Variants in ZFYVE26 observed in about 807,000 individuals in gnomAD.
ZFYVE26 encodes the protein zinc finger FYVE domain-containing protein 26.
ZFYVE26 carries 181 observed loss-of-function variants against 276.5 expected under a neutral mutation model. The observed-to-expected ratio is 0.65, with a 90% CI of 0.58 to 0.74. The LOEUF (loss-of-function observed/expected upper bound fraction) is 0.74, where lower values mean the gene tolerates loss of function less well. ZFYVE26 is among the 30% of genes least tolerant of loss of function. The pLI, the probability that ZFYVE26 is intolerant of heterozygous loss-of-function variation, is 0.00. For missense variants in ZFYVE26, 2,821 were observed against 3,097.9 expected (o/e 0.91, Z 2.12); for synonymous variants, 1,129 against 1,203.1 (o/e 0.94, Z 1.27).
intron 30 of ZFYVE26, 86 bp downstream of exon 30, chr14:67,768,431 G>A (rs191735671): frequency 1.9e-5 from 27 of 1,452,866 alleles, no homozygotes; most frequent in African/African-American, 2.8e-5. Context: ...AGTTGGACAA[G>A]TATATCAGTC....
intron 13 of ZFYVE26, among the ~76,000 whole-genome samples, chr14:67,737,519 C>A (rs1259122868): frequency 1.3e-5 from 2 of 152,066 alleles, no homozygotes; most frequent in African/African-American, 4.8e-5. Context: ...GGGAAACCAC[C>A]CTCATGATTC....
rs140211588 is a variant in ZFYVE26 at position 67,807,743 on chromosome 14, C to T, written c.541G>A (p.Gly181Ser). Reference protein sequence around the residue: ...LLELLLEEDDGTGLCHWPLQN... With the variant: ...LLELLLEEDDSTGLCHWPLQN... ...AGAGGCCAGTGACAGAGGCCAGTAC[C>T]GTCATCCTCCTCAAGCAGGAGCTCC... The change falls in exon 5 of 42, where the codon GGT (glycine) becomes AGT (serine). Residue 181 changes from glycine (G) to serine (S), a missense_variant. By Grantham distance (56) the Gly-to-Ser change is moderately conservative. Transcript: ENST00000347230. 4.2e-5 allele frequency: 67 copies of T among 1,614,178 alleles called. No individual in the cohort carries two copies. Among genetic ancestry groups the T allele is most frequent in the South Asian group, 3.2e-4 (29 of 91,078 alleles).
chr14:67,759,637 A>AAAAAAG (rs1352500079), intron 35 of ZFYVE26, among the ~76,000 whole-genome samples: 3 of 151,822 alleles, frequency 2.0e-5, no homozygotes, highest in African/African-American at 7.3e-5. Flanking sequence ...AAAAAAAAAA[A>AAAAAAG]AAGTGCATGG....
At position 67,772,204 on chromosome 14, in the gene ZFYVE26, G is replaced by A. The variant is rs971104923; in HGVS notation, c.5327C>T (p.Ser1776Phe). ...CCTTAGACTAGGGGAATGTATACTG[G>A]AGATACCTGGGAGGCAGAGCCAGAG... ...EFSPAAPPGISSIHSPSLRER... is the reference protein window; with the variant it reads ...EFSPAAPPGIFSIHSPSLRER... The change falls in exon 28 of 42, where the codon TCC becomes TTC. Residue 1776 changes from serine (S) to phenylalanine (F), a missense_variant. Ser to Phe is a radical substitution (Grantham distance 155, BLOSUM62 -2). Transcript: ENST00000347230. 6.2e-7 allele frequency: 1 copy of A among 1,612,584 alleles called. No homozygotes were observed. Among genetic ancestry groups the A allele is most frequent in the Non-Finnish European group, 8.5e-7 (1 of 1,179,580 alleles).
intron 35 of ZFYVE26, among the ~76,000 whole-genome samples, chr14:67,760,094 G>T (rs1006959991): frequency 6.6e-6 from 1 of 152,162 alleles, no homozygotes; most frequent in Non-Finnish European, 1.5e-5. Flanking sequence ...CACTGCTGTC[G>T]TCAGCTTATA....
At chr14:67,787,684 G>A (rs2039693210) in intron 16 of ZFYVE26, among the ~76,000 whole-genome samples, 2 of 152,084 alleles carry the variant, frequency 1.3e-5, no homozygotes, top group Non-Finnish European at 2.9e-5. Flanking sequence ...TTTTATTTTA[G>A]GATATAAGTA....
At chr14:67,790,890 T>C in intron 14 of ZFYVE26, 117 bp from the exon 15 acceptor site, 1 of 952,712 alleles carries the variant, frequency 1.0e-6, no homozygotes, top group South Asian at 1.3e-5. Context: ...TTGTGCTTTG[T>C]AGGGTCAGAA....
rs764112580 is a variant in ZFYVE26, at chr14:67,804,158, C to T, written c.1378G>A (p.Glu460Lys). Residue 460 changes from glutamate to lysine, a missense_variant, in exon 9 of 42, where the codon GAA becomes AAA. Glu to Lys is a moderately conservative substitution (Grantham distance 56). Transcript: ENST00000347230. ...TTCTGTAAGAGCTTGAGAACATCTTCCTCCCTGAGGGCTGGAAGGTTTGTA... is the reference window on the plus strand; with the variant it reads ...TTCTGTAAGAGCTTGAGAACATCTTTCTCCCTGAGGGCTGGAAGGTTTGTA... ...HLTNLPALRE[E>K]DVLKLLQKVP... 8.1e-6 allele frequency: 13 copies of T among 1,614,066 alleles called. No homozygotes were observed. Among genetic ancestry groups the T allele is most frequent in the Middle Eastern group, 1.6e-4 (1 of 6,084 alleles).
chr14:67,790,699 C>A lies in ZFYVE26; in HGVS notation c.2628G>T (p.Val876=), dbSNP rs2039789395. 1 of 1,614,096 alleles carries A rather than the reference C, an allele frequency of 6.2e-7. No homozygotes were observed. The highest frequency in any genetic ancestry group is 8.5e-7 in the Non-Finnish European group (1 of 1,180,040). ...GCTCTACTTGGGCCAGTTCTTGGAT[C>A]ACTTCCTGGTAGCGCTCCATGAACA... ...ELMFMERYQE[V]IQELAQVEHK... Residue 876 remains valine, a synonymous_variant, in exon 15 of 42, where the codon GTG becomes GTT. Transcript: ENST00000347230.
In ZFYVE26 at chr14:67,802,137, G is replaced by A; in HGVS notation, c.1581C>T (p.Ser527=). ...TAGCTGAGGCCAGGTCCTCAGAGAG[G>A]CTGTCTTTGCAGTCCTGGCACTGGG... The part of the protein sequence containing the change: ...QHSQCQDCKD[S]LSEDLASATE... The change falls in exon 10 of 42, where the codon AGC becomes AGT. Residue 527 remains serine (S), a synonymous_variant. Transcript: ENST00000347230. 2 of 1,613,994 alleles carry A rather than the reference G, an allele frequency of 1.2e-6. No homozygotes were observed.
At chr14:67,766,022 AG>A (rs1258477935) in intron 32 of ZFYVE26, among the ~76,000 whole-genome samples, 3 of 152,158 alleles carry the variant, frequency 2.0e-5, no homozygotes, top group Non-Finnish European at 4.4e-5. Context: ...GCTCTGAAAA[AG>A]AAAAGGACAC....
chr14:67,799,430 A>C, intron 10 of ZFYVE26: 6 of 1,612,660 alleles, frequency 3.7e-6, no homozygotes, highest in Non-Finnish European at 5.1e-6. Flanking sequence ...AGAAGCAGAA[A>C]CGAGCAGAAA....
chr14:67,794,390 C>T, intron 12 of ZFYVE26, 151 bp from the exon 13 acceptor site: 1 of 823,924 alleles, frequency 1.2e-6, no homozygotes, highest in Non-Finnish European at 2.1e-6. Context: ...CAGCAAAACA[C>T]AAGCTCCTAT....
chr14:67,733,167 G>A (rs1371220446), intron 13 of ZFYVE26, among the ~76,000 whole-genome samples: 1 of 152,048 alleles, frequency 6.6e-6, no homozygotes, highest in African/African-American at 2.4e-5. Flanking sequence ...TGAGAACTGT[G>A]TTCTGCTCCC....
chr14:67,730,033 T>C (rs2038248976), intron 13 of ZFYVE26, among the ~76,000 whole-genome samples: 1 of 152,232 alleles, frequency 6.6e-6, no homozygotes, highest in Non-Finnish European at 1.5e-5. Flanking sequence ...TCTTAGTGTC[T>C]GATGAGAGGG....
chr14:67,777,487 TTCCCAACACC>T, intron 25 of ZFYVE26, 62 bp downstream of exon 25: 2 of 1,610,954 alleles, frequency 1.2e-6, no homozygotes, highest in Non-Finnish European at 1.7e-6. Context: ...CAGGTATGCC[TTCCCAACACC>T]TCCTTTTCCT....
chr14:67,806,912 A>G (rs2040192488), intron 5 of ZFYVE26, among the ~76,000 whole-genome samples: 1 of 151,994 alleles, frequency 6.6e-6, no homozygotes, highest in South Asian at 2.1e-4. Flanking sequence ...TCTATCTTAC[A>G]CTAGAAAACC....
Position 67,755,236 on chromosome 14 carries a change from G to T in ZFYVE26, c.6801C>A (p.Ala2267=). ...TGAAGAACCGAATACAGGTCATGGCGGCCCGAACTTGGTCCTAGAAGAGGA... is the reference window on the plus strand; with the variant it reads ...TGAAGAACCGAATACAGGTCATGGCTGCCCGAACTTGGTCCTAGAAGAGGA... ...LQQFMKDQVR[A]AMTCIRFFSH... is the part of the protein sequence containing the mutation. Residue 2267 remains alanine, a synonymous_variant, in exon 37 of 42, where the codon GCC becomes GCA. Transcript: ENST00000347230. 1 of 1,614,092 alleles carries T rather than the reference G, an allele frequency of 6.2e-7. No individual in the cohort carries two copies. Among genetic ancestry groups the T allele is most frequent in the Non-Finnish European group, 8.5e-7 (1 of 1,180,018 alleles).
chr14:67,781,463 T>C lies in ZFYVE26; in HGVS notation c.4439A>G (p.Gln1480Arg), dbSNP rs1455550334. The C allele has an allele frequency of 1.9e-6, 3 of 1,614,158 alleles. No homozygotes were observed. The highest frequency in any genetic ancestry group is 2.5e-6 in the Non-Finnish European group (3 of 1,180,018). ...DASLRSRLAL[Q>R]FVDRWPLESC... Reference sequence around the variant, plus strand: ...CTCCAGGGGCCACCTGTCCACAAACTGTAGGGCCAGCCGACTTCTCAGAGA... The same window carrying C: ...CTCCAGGGGCCACCTGTCCACAAACCGTAGGGCCAGCCGACTTCTCAGAGA... The change falls in exon 22 of 42, where the codon CAG becomes CGG. Residue 1480 changes from glutamine (Q) to arginine (R), a missense_variant. Coordinates refer to ENST00000347230, the MANE Select transcript of ZFYVE26 (RefSeq NM_015346.4).
Sources: allele counts gnomAD v4.1 joint callset (sites outside exome capture counted in the v4.1 genomes callset), GRCh38; gene constraint gnomAD v4.1.1; transcripts MANE v1.5; gene names NCBI Gene and HGNC (gene_info 2026-07-23, HGNC 2026-07-21).